The following SLCO4C1 variants were observed in gnomAD, a reference collection of about 807,000 sequenced individuals.
SLCO4C1 encodes the protein solute carrier organic anion transporter family member 4C1, also known as organic anion transporter M1.
SLCO4C1 carries 58 observed loss-of-function variants against 72.1 expected under a neutral mutation model. The ratio of observed to expected loss-of-function variants is 0.80; its 90% CI spans 0.65 to 1.00. SLCO4C1 has a LOEUF of 1.00. SLCO4C1 is among the 50% of genes least tolerant of loss of function. The probability of loss-of-function intolerance (pLI) is 0.00; values close to 1 mark genes in which losing one functional copy is unlikely to be tolerated. For missense variants in SLCO4C1, 898 were observed against 857.9 expected (o/e 1.05, Z -0.58); for synonymous variants, 297 against 312.5 (o/e 0.95, Z 0.52).
chr5:102,277,296 G>A (rs1749263915), intron 2 of SLCO4C1, among the ~76,000 whole-genome samples: 1 of 151,898 alleles, frequency 6.6e-6, no homozygotes, highest in Admixed American at 6.6e-5. Context: ...CCAGGGTGGT[G>A]TCAGAGAAGG....
intron 9 of SLCO4C1, among the ~76,000 whole-genome samples, chr5:102,249,013 T>A (rs1748686007): frequency 6.6e-6 from 1 of 152,212 alleles, no homozygotes; most frequent in Non-Finnish European, 1.5e-5. Context: ...TTGAATATTT[T>A]AAGTGTATTC....
At chr5:102,256,187 G>C (rs968030149) in intron 8 of SLCO4C1, among the ~76,000 whole-genome samples, 7 of 152,078 alleles carry the variant, frequency 4.6e-5, no homozygotes, top group Non-Finnish European at 1.0e-4. Flanking sequence ...CTGGGTGACA[G>C]AGCAAGACTC....
At position 102,236,381 on chromosome 5, in the gene SLCO4C1, G is replaced by A. The variant is rs1237474801; in HGVS notation, c.*477C>T. On this transcript the variant is annotated 3_prime_UTR_variant, in exon 13 of 13. Transcript: ENST00000310954. ...TTCCCGGAAATCATCACACAACTTT[G>A]ATTAGTTTAAATTTTTATACCATAA... 1 of 152,320 alleles carries A rather than the reference G, an allele frequency of 6.6e-6. No homozygotes were observed. The highest frequency in any genetic ancestry group is 1.5e-5 in the Non-Finnish European group (1 of 68,204). The allele number at this position is 152,320 out of a possible 1,614,324, so 9.4% of individuals were successfully genotyped here. A position where few individuals can be genotyped will look rare whatever the true frequency, so the allele number is the denominator to read the frequency against.
intron 10 of SLCO4C1, among the ~76,000 whole-genome samples, chr5:102,242,594 T>G (rs1029148780): frequency 6.6e-6 from 1 of 152,168 alleles, no homozygotes; most frequent in Non-Finnish European, 1.5e-5. Context: ...AGACACATTT[T>G]GGGCCAGAAG....
At chr5:102,250,420 C>A (rs1313158700) in intron 8 of SLCO4C1, among the ~76,000 whole-genome samples, 1 of 152,140 alleles carries the variant, frequency 6.6e-6, no homozygotes, top group Admixed American at 6.6e-5. Flanking sequence ...ATCCCTTATA[C>A]CTCATTTATT....
At chr5:102,270,860 T>G (rs183865911) in intron 2 of SLCO4C1, 54 bp from the exon 3 acceptor site, 1 of 1,354,288 alleles carries the variant, frequency 7.4e-7, no homozygotes, top group African/African-American at 1.5e-5. Flanking sequence ...TAATTTAAAT[T>G]TCTATCATAT....
intron 4 of SLCO4C1, among the ~76,000 whole-genome samples, chr5:102,263,448 T>C (rs1475537045): frequency 6.6e-6 from 1 of 152,092 alleles, no homozygotes; most frequent in East Asian, 1.9e-4. Flanking sequence ...ACCAGATGAC[T>C]TTATTAAATA....
At chr5:102,268,204 T>G (rs953457121) in intron 3 of SLCO4C1, among the ~76,000 whole-genome samples, 3 of 152,144 alleles carry the variant, frequency 2.0e-5, no homozygotes, top group Non-Finnish European at 4.4e-5. Flanking sequence ...TCCCAACTGT[T>G]ATTATGTTGG....
intron 1 of SLCO4C1, among the ~76,000 whole-genome samples, chr5:102,294,198 G>C (rs763143725): frequency 1.3e-4 from 20 of 151,520 alleles, no homozygotes; most frequent in Non-Finnish European, 2.7e-4. Flanking sequence ...CGTGAGCCAC[G>C]GCGCCCGGCC....
At chr5:102,262,309 T>C (rs1748958391) in intron 4 of SLCO4C1, among the ~76,000 whole-genome samples, 1 of 152,168 alleles carries the variant, frequency 6.6e-6, no homozygotes, top group Non-Finnish European at 1.5e-5. Flanking sequence ...TGAAAAGATA[T>C]GTAGAATTTC....
At position 102,265,771 on chromosome 5, in the gene SLCO4C1, CAGGATTGT is replaced by C. The variant is rs544998339; in HGVS notation, c.803-1999_803-1992del. 3.3e-4 allele frequency among the ~76,000 whole-genome samples: 50 copies of C among 152,128 alleles called. No homozygotes were observed. The East Asian group carries it at 7.7e-3, about 24-fold the overall frequency. On this transcript the variant is annotated intron_variant, in intron 3 of 12. Transcript: ENST00000310954. ...TGCTTTCGGTTTTGTTCTTTGTGCT[CAGGATTGT>C]TTTGGCTATTTGGCATCTTTTCTAG...
At chr5:102,294,414 C>T (rs1048116286) in intron 1 of SLCO4C1, among the ~76,000 whole-genome samples, 1 of 152,102 alleles carries the variant, frequency 6.6e-6, no homozygotes, top group Non-Finnish European at 1.5e-5. Flanking sequence ...CTGCTCCAGA[C>T]TAAACCTGAC....
At chr5:102,291,925 G>T (rs1035092126) in intron 1 of SLCO4C1, among the ~76,000 whole-genome samples, 1 of 152,018 alleles carries the variant, frequency 6.6e-6, no homozygotes, top group Non-Finnish European at 1.5e-5. Context: ...GGGTTCAAGT[G>T]ATTCTCCTGC....
At chr5:102,242,249 C>T (rs1301293959) in intron 10 of SLCO4C1, among the ~76,000 whole-genome samples, 3 of 152,208 alleles carry the variant, frequency 2.0e-5, no homozygotes, top group African/African-American at 7.2e-5. Flanking sequence ...TCCAAGTTAA[C>T]TTGAAAGGCA....
At chr5:102,267,851 A>G (rs1749071554) in intron 3 of SLCO4C1, among the ~76,000 whole-genome samples, 1 of 151,890 alleles carries the variant, frequency 6.6e-6, no homozygotes, top group Non-Finnish European at 1.5e-5. Flanking sequence ...TCATTGGCAT[A>G]TTGGTTGCTC....
intron 2 of SLCO4C1, among the ~76,000 whole-genome samples, chr5:102,285,909 C>T (rs140601651): frequency 1.7e-4 from 26 of 152,146 alleles, no homozygotes; most frequent in African/African-American, 6.3e-4. Flanking sequence ...TTAAAGCTTC[C>T]TGTATTGAAT....
intron 2 of SLCO4C1, among the ~76,000 whole-genome samples, chr5:102,274,548 T>C (rs1466605260): frequency 6.6e-6 from 1 of 152,160 alleles, no homozygotes; most frequent in Non-Finnish European, 1.5e-5. Flanking sequence ...CCCCTGGGCC[T>C]ATCCTGCTGC....
chr5:102,262,804 T>C (rs1186669275), intron 4 of SLCO4C1, among the ~76,000 whole-genome samples: 1 of 152,174 alleles, frequency 6.6e-6, no homozygotes, highest in African/African-American at 2.4e-5. Context: ...TTCTTAAATC[T>C]CTGGGTCACT....
Position 102,262,031 on chromosome 5 carries a change from G to A in SLCO4C1, c.902C>T (p.Thr301Ile). The A allele has an allele frequency of 6.2e-7, 1 of 1,602,664 alleles. No homozygotes were observed. The highest frequency in any genetic ancestry group is 8.5e-7 in the Non-Finnish European group (1 of 1,175,944). ...TCGCGGATCATCCTCAGTGACATCA[G>A]TGCTATATGATAGAAAAACAAGAGG... ...IYIDVAMGES[T>I]DVTEDDPRWL... Residue 301 changes from threonine to isoleucine, a missense_variant and splice_region_variant, in exon 5 of 13, where the codon ACT becomes ATT. Coordinates refer to ENST00000310954, the MANE Select transcript of SLCO4C1 (RefSeq NM_180991.5).
Sources: gnomAD v4.1 joint callset for allele counts (sites outside exome capture counted in the v4.1 genomes callset) on GRCh38, gnomAD v4.1.1 for gene constraint, MANE v1.5 for transcripts, NCBI Gene and HGNC (gene_info 2026-07-23, HGNC 2026-07-21) for gene names.